THSD4: variants seen among roughly 807,000 people sequenced by gnomAD.
THSD4 encodes the protein thrombospondin type 1 domain containing 4.
A neutral mutation model predicts 119.0 loss-of-function variants in THSD4; 69 were observed. The ratio of observed to expected loss-of-function variants is 0.58; its 90% confidence interval spans 0.48 to 0.71. The LOEUF is 0.71. Ranked by LOEUF, THSD4 falls within the 30% of genes least tolerant of loss-of-function variation. The probability of loss-of-function intolerance (pLI) is 0.00; values close to 1 mark genes in which losing one functional copy is unlikely to be tolerated. For synonymous variants in THSD4, 524 were observed against 540.4 expected, an observed-to-expected ratio of 0.97 and a Z score of 0.42; for missense variants, 1,393 against 1,391.1, an observed-to-expected ratio of 1.00 and a Z score of -0.02.
In THSD4 at chr15:71,460,759, C is replaced by T. The variant is rs979666357; in HGVS notation, c.1152+48936C>T. Among the ~76,000 whole-genome samples the T allele has an allele frequency of 3.9e-5, 6 of 152,316 alleles. 1 individual carries two copies. In the Middle Eastern group the frequency reaches 0.01, roughly 259 times the overall value. On this transcript the variant is annotated intron_variant, in intron 7 of 17. Transcript: ENST00000261862. Reference sequence around the variant, plus strand: ...TACGTTTCGTATTTAATGCCAAGGTCACTTTACCTTGCTGGTGTCTGGCAT... The same window carrying T: ...TACGTTTCGTATTTAATGCCAAGGTTACTTTACCTTGCTGGTGTCTGGCAT...
Position 71,256,627 on chromosome 15 carries a change from CA to C in THSD4, c.928del (p.Ser310ValfsTer30). 1 of 1,613,884 alleles carries C rather than the reference CA, an allele frequency of 6.2e-7. No individual in the cohort carries two copies. Among genetic ancestry groups the C allele is most frequent in the South Asian group, 1.1e-5 (1 of 91,048 alleles). On this transcript the variant is annotated frameshift_variant, in exon 6 of 18. Coordinates refer to ENST00000261862, the MANE Select transcript of THSD4 (RefSeq NM_024817.3). LOFTEE classifies it high-confidence loss of function. ...LCNTNVCPES[S>X]RSIREVQCAS... ...TGCTTTATTAGGTATGTCCAGAAAG[CA>C]GTAGAAGTATCCGGGAGGTACAGTG...
chr15:71,128,916 A>G (rs937155436), intron 1 of THSD4, among the ~76,000 whole-genome samples: 4 of 152,230 alleles, frequency 2.6e-5, no homozygotes, highest in Admixed American at 2.6e-4. Flanking sequence ...ACAAAGGTGC[A>G]TAGGGAAATC....
chr15:71,693,511 G>T (rs1216250402), intron 8 of THSD4, among the ~76,000 whole-genome samples: 1 of 152,154 alleles, frequency 6.6e-6, no homozygotes, highest in African/African-American at 2.4e-5. Context: ...GCCAGGTGTT[G>T]TAGTGCACAC....
chr15:71,623,210 A>G (rs898137101), intron 7 of THSD4, among the ~76,000 whole-genome samples: 39 of 152,228 alleles, frequency 2.6e-4, no homozygotes, highest in African/African-American at 8.9e-4. Flanking sequence ...TCAAGGAGCA[A>G]AGTGATGATT....
intron 6 of THSD4, among the ~76,000 whole-genome samples, chr15:71,404,165 A>G (rs755425192): frequency 4.6e-5 from 7 of 152,212 alleles, no homozygotes; most frequent in Non-Finnish European, 7.3e-5. Context: ...TCACAATTAT[A>G]TAACTATTAT....
At chr15:71,266,936 A>G (rs924430567) in intron 6 of THSD4, among the ~76,000 whole-genome samples, 1 of 152,126 alleles carries the variant, frequency 6.6e-6, no homozygotes, top group Admixed American at 6.6e-5. Flanking sequence ...AGGAATGAAC[A>G]AAGCCTCCAA....
At position 71,532,283 on chromosome 15, in the gene THSD4, A is replaced by AGAGAGAGT. The variant is rs1379506089; in HGVS notation, c.1152+120461_1152+120462insAGAGAGTG. On this transcript the variant is annotated intron_variant, in intron 7 of 17. Transcript: ENST00000261862. ...AAGGGTGAGAGAGAGAGAGAGAGAGAGTGTGTGTGTGTGTGTGTGTGTGTG... is the reference window on the plus strand; with the variant it reads ...AAGGGTGAGAGAGAGAGAGAGAGAGAGAGAGAGTGTGTGTGTGTGTGTGTGTGTGTGTG... Among the ~76,000 whole-genome samples, 586 of 101,632 alleles carry AGAGAGAGT rather than the reference A, an allele frequency of 5.8e-3. 5 individuals are homozygous for AGAGAGAGT. Among genetic ancestry groups the AGAGAGAGT allele is most frequent in the Non-Finnish European group, 8.1e-3 (388 of 47,944 alleles). 66.7% of individuals were successfully genotyped at this position (101,632 alleles called of 152,430 possible). A position where few individuals can be genotyped will look rare whatever the true frequency, so the allele number is the denominator to read the frequency against.
chr15:71,648,933 T>C (rs995863448), intron 7 of THSD4, among the ~76,000 whole-genome samples: 1 of 152,232 alleles, frequency 6.6e-6, no homozygotes, highest in South Asian at 2.1e-4. Context: ...TCCCTCATTT[T>C]ACAGGTAACA....
At chr15:71,195,342 C>T (rs756560767) in intron 3 of THSD4, among the ~76,000 whole-genome samples, 9 of 152,168 alleles carry the variant, frequency 5.9e-5, no homozygotes, top group Non-Finnish European at 1.5e-5. Flanking sequence ...AAGACAACCT[C>T]TCTGCTGGGA....
In THSD4 at chr15:71,578,364, G is replaced by A. The variant is rs141969942; in HGVS notation, c.1153-82166G>A. 1.5e-3 allele frequency among the ~76,000 whole-genome samples: 226 copies of A among 152,130 alleles called. 1 individual carries two copies. The highest frequency in any genetic ancestry group is 5.0e-3 in the African/African-American group (206 of 41,492). ...TTTGCTAATTTATAGCAAGGATGAT[G>A]CTCATTATGATGTCAACCTGTTTGA... is the stretch of plus-strand genomic sequence containing the variant. On this transcript the variant is annotated intron_variant, in intron 7 of 17. Transcript: ENST00000261862.
At chr15:71,706,399 G>T (rs2052393057) in intron 8 of THSD4, among the ~76,000 whole-genome samples, 1 of 152,154 alleles carries the variant, frequency 6.6e-6, no homozygotes, top group Non-Finnish European at 1.5e-5. Context: ...TGTTGAACTG[G>T]AGGTTTTTAT....
At chr15:71,205,913 G>A (rs561411016) in intron 3 of THSD4, among the ~76,000 whole-genome samples, 6 of 136,112 alleles carry the variant, frequency 4.4e-5, no homozygotes, top group African/African-American at 1.7e-4. Flanking sequence ...TGCTGTTGTC[G>A]CCCAGGCTGG....
intron 7 of THSD4, among the ~76,000 whole-genome samples, chr15:71,558,144 A>T (rs376579843): frequency 6.6e-6 from 1 of 152,162 alleles, no homozygotes; most frequent in Non-Finnish European, 1.5e-5. Flanking sequence ...ACTGGCCAAC[A>T]TGGTAAAACC....
At chr15:71,584,777 T>C (rs2049631693) in intron 7 of THSD4, among the ~76,000 whole-genome samples, 1 of 152,198 alleles carries the variant, frequency 6.6e-6, no homozygotes, top group Non-Finnish European at 1.5e-5. Flanking sequence ...TTTTCCTTTC[T>C]TCCTCTCTAG....
At chr15:71,485,736 C>CCT (rs1383490233) in intron 7 of THSD4, among the ~76,000 whole-genome samples, 1 of 151,982 alleles carries the variant, frequency 6.6e-6, no homozygotes, top group South Asian at 2.1e-4. Flanking sequence ...TTTAACAGTA[C>CCT]CTCTCATTGA....
intron 8 of THSD4, among the ~76,000 whole-genome samples, chr15:71,697,758 T>G (rs1474594785): frequency 6.6e-6 from 1 of 152,242 alleles, no homozygotes; most frequent in East Asian, 1.9e-4. Context: ...GCATTTGAGT[T>G]AAGTATTTTG....
chr15:71,468,475 A>G (rs577299583), intron 7 of THSD4, among the ~76,000 whole-genome samples: 151 of 152,334 alleles, frequency 9.9e-4, no homozygotes, highest in African/African-American at 3.4e-3. Context: ...ACACCACCAG[A>G]GGTGACTTTA....
At position 71,758,000 on chromosome 15, in the gene THSD4, G is replaced by A. The variant is rs759563020; in HGVS notation, c.2514G>A (p.Arg838=). 3 of 1,613,820 alleles carry A rather than the reference G, an allele frequency of 1.9e-6. No homozygotes were observed. Residue 838 remains arginine, a synonymous_variant, in exon 15 of 18, where the codon CGG becomes CGA. Transcript: ENST00000261862. ...SLPLEGCGNN[R]PAEATPCDNG... ...CCCTGGAGGGCTGTGGGAACAACCG[G>A]CCGGCAGAGGCCACCCCATGTGACA...
intron 6 of THSD4, among the ~76,000 whole-genome samples, chr15:71,290,990 T>C (rs1847040678): frequency 6.6e-6 from 1 of 150,688 alleles, no homozygotes; most frequent in Non-Finnish European, 1.5e-5. Context: ...TCCATCCCAC[T>C]CCCCAGAGGC....
Sources: gnomAD v4.1 joint callset for allele counts (sites outside exome capture counted in the v4.1 genomes callset) on GRCh38, gnomAD v4.1.1 for gene constraint, MANE v1.5 for transcripts, NCBI Gene and HGNC (gene_info 2026-07-23, HGNC 2026-07-21) for gene names.